SET: variants seen among roughly 807,000 people sequenced by gnomAD.
SET encodes the protein protein SET.
SET carries 4 observed loss-of-function variants against 39.0 expected under a neutral mutation model. That is an observed-to-expected ratio of 0.10 (90% CI 0.05 to 0.23). The LOEUF (loss-of-function observed/expected upper bound fraction) is 0.23, where lower values mean the gene tolerates loss of function less well. SET is among the 10% of genes least tolerant of loss of function. SET has a pLI of 1.00. For synonymous variants in SET, 114 were observed against 115.9 expected (o/e 0.98, Z 0.11); for missense variants, 137 against 329.7 (o/e 0.42, Z 4.53).
Position 128,689,316 on chromosome 9 carries a change from C to G in SET, c.-267C>G. 1.9e-6 allele frequency: 2 copies of G among 1,030,500 alleles called. No individual in the cohort carries two copies. The highest frequency in any genetic ancestry group is 2.3e-6 in the Non-Finnish European group (2 of 858,554). 63.8% of individuals were successfully genotyped at this position (1,030,500 alleles called of 1,614,324 possible). ...GAGCGCGAGTGAGGGAGCCGAGCCG[C>G]CCGCCGCCGCCGCCTCCGCCTCCCC... On this transcript the variant is annotated 5_prime_UTR_variant, in exon 1 of 8. Coordinates refer to ENST00000322030, the MANE Select transcript of SET (RefSeq NM_003011.4).
Position 128,689,443 on chromosome 9 carries a change from AGAGC to A in SET, c.-130_-127del. On this transcript the variant is annotated 5_prime_UTR_variant, in exon 1 of 8. Transcript: ENST00000322030. The stretch of plus-strand genomic sequence containing the variant: ...GCGCGCGAGCGAGCGAGGGGGAGGG[AGAGC>A]GAGCGAGCGCCGGGAGGAGGCGGCC... The A allele has an allele frequency of 2.7e-6, 1 of 375,966 alleles. No homozygotes were observed. Among genetic ancestry groups the A allele is most frequent in the Non-Finnish European group, 4.0e-6 (1 of 247,046 alleles). The allele number at this position is 375,966 out of a possible 1,614,324, so 23.3% of individuals were successfully genotyped here.
chr9:128,694,776 G>C lies in SET; in HGVS notation c.*112G>C. 1 of 546,740 alleles carries C rather than the reference G, an allele frequency of 1.8e-6. No homozygotes were observed. The highest frequency in any genetic ancestry group is 2.4e-5 in the South Asian group (1 of 42,024). The allele number at this position is 546,740 out of a possible 1,614,324, so 33.9% of individuals were successfully genotyped here. On this transcript the variant is annotated 3_prime_UTR_variant, in exon 8 of 8. Coordinates refer to ENST00000322030, the MANE Select transcript of SET (RefSeq NM_003011.4). ...TTTTTTTTCCCTCTTGTGCTCAGTC[G>C]CCCTGTTCTTGAGGTCTCTTTTCTC...
Position 128,695,634 on chromosome 9 carries a change from T to G in SET, c.*970T>G. On this transcript the variant is annotated 3_prime_UTR_variant, in exon 8 of 8. Transcript: ENST00000322030. ...AAACTTTGTCACCCTAACTTCGTAT[T>G]TTTTGATACGCACTTTGCAGGATGA... The G allele has an allele frequency of 4.4e-6, 1 of 225,354 alleles. No homozygotes were observed. The highest frequency in any genetic ancestry group is 8.9e-6 in the Non-Finnish European group (1 of 112,132). 14.0% of individuals were successfully genotyped at this position (225,354 alleles called of 1,614,324 possible).
Position 128,696,265 on chromosome 9 carries a change from T to G in SET, c.*1601T>G, listed in dbSNP as rs939008911. ...TTGATAAATGGAACTATTCCATCAATAGGCAAAAGTGTAACAACCTATCTA... is the reference window on the plus strand; with the variant it reads ...TTGATAAATGGAACTATTCCATCAAGAGGCAAAAGTGTAACAACCTATCTA... On this transcript the variant is annotated 3_prime_UTR_variant, in exon 8 of 8. Transcript: ENST00000322030. The G allele has an allele frequency of 5.0e-6, 1 of 199,660 alleles. No homozygotes were observed. The highest frequency in any genetic ancestry group is 7.4e-5 in the East Asian group (1 of 13,532). 12.4% of individuals were successfully genotyped at this position (199,660 alleles called of 1,614,324 possible). A position where few individuals can be genotyped will look rare whatever the true frequency, so the allele number is the denominator to read the frequency against.
intron 2 of SET, among the ~76,000 whole-genome samples, 197 bp downstream of exon 2, chr9:128,691,424 A>G (rs1861532073): frequency 6.6e-6 from 1 of 152,180 alleles, no homozygotes; most frequent in Non-Finnish European, 1.5e-5. Context: ...TGACCTTACA[A>G]GGTTTGGGTT....
rs1359995246 is a variant in SET, at chr9:128,696,129, C to A, written c.*1465C>A. On this transcript the variant is annotated 3_prime_UTR_variant, in exon 8 of 8. Coordinates refer to ENST00000322030, the MANE Select transcript of SET (RefSeq NM_003011.4). The stretch of plus-strand genomic sequence containing the variant: ...CATTGTGCAGAGAAGCACCCTAATG[C>A]ATAAGCTTTTTAATGCTGTAAAATA... The A allele has an allele frequency of 4.1e-5, 9 of 218,780 alleles. No individual in the cohort carries two copies. The highest frequency in any genetic ancestry group is 1.8e-4 in the African/African-American group (8 of 44,846). The allele number at this position is 218,780 out of a possible 1,614,324, so 13.6% of individuals were successfully genotyped here.
intron 5 of SET, 148 bp from the exon 6 acceptor site, chr9:128,693,490 A>G: frequency 1.1e-6 from 1 of 874,778 alleles, no homozygotes; most frequent in South Asian, 2.0e-5. Flanking sequence ...GCACAGTTTT[A>G]TAATTGCTCT....
intron 1 of SET, chr9:128,690,663 C>T (rs1306055833): frequency 6.0e-6 from 1 of 166,600 alleles, no homozygotes; most frequent in African/African-American, 2.4e-5. Flanking sequence ...CCGTGACTTT[C>T]CAGTCTTTGT....
intron 3 of SET, 130 bp downstream of exon 3, chr9:128,692,130 T>C (rs1861559586): frequency 6.4e-6 from 7 of 1,094,708 alleles, no homozygotes; most frequent in Non-Finnish European, 9.2e-6. Context: ...GGCGCACCTG[T>C]AATCCCAGCA....
rs1049298219 is a variant in SET at position 128,692,998 on chromosome 9, T to C, written c.492+17T>C. 4 of 1,501,474 alleles carry C rather than the reference T, an allele frequency of 2.7e-6. No individual in the cohort carries two copies. The highest frequency in any genetic ancestry group is 3.7e-6 in the Non-Finnish European group (4 of 1,083,220). 93.0% of individuals were successfully genotyped at this position (1,501,474 alleles called of 1,614,324 possible). Reference sequence around the variant, plus strand: ...TCTGGAAAGGTATGTTTTGAGGAATTATTTGACAAAAATAGCATTTTGCCT... The same window carrying C: ...TCTGGAAAGGTATGTTTTGAGGAATCATTTGACAAAAATAGCATTTTGCCT... On this transcript the variant is annotated intron_variant, in intron 5 of 7. Transcript: ENST00000322030.
intron 5 of SET, among the ~76,000 whole-genome samples, chr9:128,693,300 T>C (rs911905376): frequency 2.7e-5 from 4 of 150,666 alleles, no homozygotes; most frequent in Non-Finnish European, 5.9e-5. Context: ...TTTGTTGCTG[T>C]TGTTTTCTGC....
intron 2 of SET, 71 bp downstream of exon 2, chr9:128,691,298 C>G (rs1208523146): frequency 2.1e-6 from 2 of 965,870 alleles, no homozygotes; most frequent in Non-Finnish European, 3.3e-6. Flanking sequence ...ATTATCGAAG[C>G]TATGGTCAAA....
chr9:128,689,704 C>T, intron 1 of SET, 49 bp downstream of exon 1: 1 of 482,926 alleles, frequency 2.1e-6, no homozygotes, highest in Non-Finnish European at 2.7e-6. Context: ...TCTTCGCCGC[C>T]CGCCCCGGCC....
At chr9:128,692,049 A>G in intron 3 of SET, 49 bp downstream of exon 3, 1 of 1,596,348 alleles carries the variant, frequency 6.3e-7, no homozygotes, top group Non-Finnish European at 8.6e-7. Context: ...GTTTGTTAGA[A>G]TGGAGGAAGC....
intron 6 of SET, 42 bp downstream of exon 6, chr9:128,693,850 G>T: frequency 1.2e-6 from 2 of 1,603,588 alleles, no homozygotes; most frequent in Non-Finnish European, 1.7e-6. Context: ...GACTTGTCTC[G>T]GTTGTTTAAA....
chr9:128,683,620 C>A (rs2132230961), upstream of SET: 2 of 380,102 alleles, frequency 5.3e-6, no homozygotes, highest in Non-Finnish European at 9.6e-6. Context: ...ATCCTCTCCT[C>A]AAGGAAGAAC....
chr9:128,692,035 C>CA, intron 3 of SET, 35 bp downstream of exon 3: 3 of 1,606,266 alleles, frequency 1.9e-6, no homozygotes, highest in Non-Finnish European at 2.6e-6. Flanking sequence ...AAAGGATAAA[C>CA]AGTGTTTGTT....
chr9:128,686,923 G>A (rs1038328114), upstream of SET, among the ~76,000 whole-genome samples: 2 of 152,190 alleles, frequency 1.3e-5, no homozygotes, highest in African/African-American at 4.8e-5. Flanking sequence ...CAAGGCTGCA[G>A]TGAGCCATGG....
chr9:128,689,934 GC>G (rs1382515992), intron 1 of SET: 1 of 128,944 alleles, frequency 7.8e-6, no homozygotes, highest in East Asian at 2.9e-4. Flanking sequence ...CCCCTCCCTC[GC>G]TCTCCTCCCC....
Sources: allele counts gnomAD v4.1 joint callset (sites outside exome capture counted in the v4.1 genomes callset), GRCh38; gene constraint gnomAD v4.1.1; transcripts MANE v1.5; gene names NCBI Gene and HGNC (gene_info 2026-07-23, HGNC 2026-07-21).